The following ANKS1B variants were observed in gnomAD, a reference collection of about 807,000 sequenced individuals.
ANKS1B encodes ankyrin repeat and sterile alpha motif domain-containing protein 1B.
Under a neutral mutation model 148.3 loss-of-function variants are expected in ANKS1B, and 36 were observed. The ratio of observed to expected loss-of-function variants is 0.24; its 90% CI spans 0.19 to 0.32. The LOEUF is 0.32. Ranked by LOEUF, ANKS1B falls within the 10% of genes least tolerant of loss-of-function variation. The pLI is 1.00. For missense variants in ANKS1B, 1,157 were observed against 1,542.6 expected (o/e 0.75, Z 4.19); for synonymous variants, 542 against 560.8 (o/e 0.97, Z 0.47).
chr12:99,252,795 A>G (rs150465442), intron 12 of ANKS1B, among the ~76,000 whole-genome samples: 39 of 152,344 alleles, frequency 2.6e-4, no homozygotes, highest in African/African-American at 9.1e-4. Context: ...TCCCTTGAGA[A>G]TATCAGAAAT....
At chr12:99,212,955 C>T (rs1403489885) in intron 14 of ANKS1B, among the ~76,000 whole-genome samples, 1 of 152,220 alleles carries the variant, frequency 6.6e-6, no homozygotes, top group Non-Finnish European at 1.5e-5. Context: ...GATGAAGGTC[C>T]TTTCCCAGAG....
intron 9 of ANKS1B, among the ~76,000 whole-genome samples, chr12:99,584,436 T>C (rs568342909): frequency 1.3e-5 from 2 of 151,984 alleles, no homozygotes; most frequent in African/African-American, 2.4e-5. Flanking sequence ...TCCGTCTCAA[T>C]GAAAAATACA....
At chr12:99,618,170 G>A (rs2097995033) in intron 9 of ANKS1B, among the ~76,000 whole-genome samples, 1 of 152,054 alleles carries the variant, frequency 6.6e-6, no homozygotes, top group Non-Finnish European at 1.5e-5. Flanking sequence ...CCTTCCCAGG[G>A]AGGCCTCCAT....
At chr12:99,558,323 T>A (rs914045040) in intron 9 of ANKS1B, among the ~76,000 whole-genome samples, 27 of 152,176 alleles carry the variant, frequency 1.8e-4, no homozygotes, top group Non-Finnish European at 3.7e-4. Context: ...TGCCCAAGCA[T>A]CAGGAGGAGC....
intron 17 of ANKS1B, among the ~76,000 whole-genome samples, chr12:99,035,052 A>G (rs532926129): frequency 3.9e-5 from 6 of 152,256 alleles, no homozygotes; most frequent in African/African-American, 1.2e-4. Context: ...CAACACCCCA[A>G]AATGAAGGCC....
chr12:99,046,451 ATG>A (rs2099962407), intron 17 of ANKS1B, among the ~76,000 whole-genome samples: 1 of 152,204 alleles, frequency 6.6e-6, no homozygotes, highest in Admixed American at 6.5e-5. Context: ...TGTATTCCAT[ATG>A]TTCCACAAGT....
intron 14 of ANKS1B, among the ~76,000 whole-genome samples, chr12:99,234,560 T>G (rs538895401): frequency 5.1e-4 from 78 of 152,292 alleles, no homozygotes; most frequent in African/African-American, 1.8e-3. Context: ...AAACACAATG[T>G]CTGCATCACA....
intron 17 of ANKS1B, among the ~76,000 whole-genome samples, chr12:98,932,583 G>GA (rs778257252): frequency 6.6e-6 from 1 of 152,120 alleles, no homozygotes; most frequent in Non-Finnish European, 1.5e-5. Flanking sequence ...TAGAAAAATA[G>GA]TATTTCATCT....
At chr12:99,341,289 C>T (rs2089873797) in intron 12 of ANKS1B, 1 of 152,082 alleles carries the variant, frequency 6.6e-6, no homozygotes, top group African/African-American at 2.4e-5. Context: ...TATTAATTAG[C>T]TCATGGAATC....
At chr12:98,803,682 G>A (rs891871118) in intron 20 of ANKS1B, among the ~76,000 whole-genome samples, 11 of 152,218 alleles carry the variant, frequency 7.2e-5, no homozygotes, top group Non-Finnish European at 1.3e-4. Context: ...GGTGCCATGA[G>A]TTGCAGGGCC....
rs117330714 is a variant in ANKS1B, at chr12:99,187,522, G to A, written c.2420-33127C>T. Among the ~76,000 whole-genome samples, 845 of 152,268 alleles carry A rather than the reference G, an allele frequency of 5.5e-3. 45 individuals carry two copies. The East Asian group carries it at 0.13, about 24-fold the overall frequency. ...CAGAAACCTTGCAAGCCAGGAGAGAGTAGGGGAGCCAATATTCAACATTCT... is the reference window on the plus strand; with the variant it reads ...CAGAAACCTTGCAAGCCAGGAGAGAATAGGGGAGCCAATATTCAACATTCT... On this transcript the variant is annotated intron_variant, in intron 14 of 26. Coordinates refer to ENST00000683438, the MANE Select transcript of ANKS1B (RefSeq NM_001352186.2).
At chr12:99,813,817 G>A (rs896577912) in intron 2 of ANKS1B, among the ~76,000 whole-genome samples, 8 of 151,530 alleles carry the variant, frequency 5.3e-5, no homozygotes, top group African/African-American at 9.7e-5. Context: ...ATTATTTTAC[G>A]AAATCTGAAT....
At chr12:98,790,670 C>T (rs1279885383) in intron 22 of ANKS1B, among the ~76,000 whole-genome samples, 1 of 151,572 alleles carries the variant, frequency 6.6e-6, no homozygotes, top group African/African-American at 2.4e-5. Flanking sequence ...TAGAAAGTCC[C>T]TCTCCAAAGC....
chr12:99,246,140 C>A (rs1044897722), intron 13 of ANKS1B, 135 bp downstream of exon 13: 227 of 635,028 alleles, frequency 3.6e-4, no homozygotes, highest in Non-Finnish European at 9.6e-5. Context: ...CCCACAGAAC[C>A]ATTTCATTCC....
chr12:98,887,617 A>ATT (rs199963675), intron 17 of ANKS1B, among the ~76,000 whole-genome samples: 3 of 149,274 alleles, frequency 2.0e-5, no homozygotes, highest in Admixed American at 6.7e-5. Flanking sequence ...CAATAAAACC[A>ATT]TTTTTTTTTT....
At chr12:98,891,365 T>G (rs1436000638) in intron 17 of ANKS1B, among the ~76,000 whole-genome samples, 3 of 152,170 alleles carry the variant, frequency 2.0e-5, no homozygotes, top group Admixed American at 1.3e-4. Flanking sequence ...ATTCTCACAA[T>G]TTTTTAAAGA....
intron 8 of ANKS1B, among the ~76,000 whole-genome samples, chr12:99,738,323 T>G (rs1003818727): frequency 6.6e-6 from 1 of 152,154 alleles, no homozygotes; most frequent in African/African-American, 2.4e-5. Flanking sequence ...CCACATTCAC[T>G]CATAGCATTA....
In ANKS1B at chr12:99,042,995, C is replaced by G. The variant is rs547990743; in HGVS notation, c.2778+10162G>C. ...TGTGTTCCCATTTGGGATATAGATA[C>G]CCACTTTCATACTGGGTTTACCCCT... is the stretch of plus-strand genomic sequence containing the variant. On this transcript the variant is annotated intron_variant, in intron 17 of 26. Transcript: ENST00000683438. Among the ~76,000 whole-genome samples the G allele has an allele frequency of 2.2e-4, 33 of 152,318 alleles. No homozygotes were observed. The South Asian group carries it at 4.1e-3, about 19-fold the overall frequency.
chr12:99,849,257 A>ATG (rs148512511), intron 1 of ANKS1B, among the ~76,000 whole-genome samples: 1 of 152,132 alleles, frequency 6.6e-6, no homozygotes, highest in African/African-American at 2.4e-5. Context: ...AAATATATAT[A>ATG]TGTGTGTGTG....
Sources: allele counts gnomAD v4.1 joint callset (sites outside exome capture counted in the v4.1 genomes callset), GRCh38; gene constraint gnomAD v4.1.1; transcripts MANE v1.5; gene names NCBI Gene and HGNC (gene_info 2026-07-23, HGNC 2026-07-21).